The following NDOR1 variants were observed in gnomAD, a reference collection of about 807,000 sequenced individuals.
The protein encoded by NDOR1 is NADPH-dependent diflavin oxidoreductase 1.
NDOR1 carries 61 observed loss-of-function variants against 67.2 expected under a neutral mutation model. The observed-to-expected ratio is 0.91, with a 90% CI of 0.74 to 1.12. NDOR1 has a LOEUF of 1.12. NDOR1 is among the 50% of genes most tolerant of loss of function. The pLI, the probability that NDOR1 is intolerant of heterozygous loss-of-function variation, is 0.00. For missense variants in NDOR1, 878 were observed against 802.8 expected (o/e 1.09, Z -1.13); for synonymous variants, 378 against 343.7 (o/e 1.10, Z -1.10).
In NDOR1 at chr9:137,212,432, C is replaced by T; in HGVS notation, c.214-70C>T. The stretch of plus-strand genomic sequence containing the variant: ...CACCTGCCTGTTCCCCTGAGACCCT[C>T]CCCTCACCCCCTGCTGTGGGGCTAG... On this transcript the variant is annotated intron_variant, in intron 2 of 13. Coordinates refer to ENST00000684003, the MANE Select transcript of NDOR1 (RefSeq NM_014434.4). This position sits in a 1 kb window ranked among gnomAD's most constrained non-coding sequence, Gnocchi z 4.3. 1.4e-6 allele frequency: 2 copies of T among 1,386,748 alleles called. No individual in the cohort carries two copies. Among genetic ancestry groups the T allele is most frequent in the Non-Finnish European group, 2.1e-6 (2 of 974,614 alleles). The allele number at this position is 1,386,748 out of a possible 1,614,324, so 85.9% of individuals were successfully genotyped here. A position where few individuals can be genotyped will look rare whatever the true frequency, so the allele number is the denominator to read the frequency against.
At position 137,212,368 on chromosome 9, in the gene NDOR1, G is replaced by T; in HGVS notation, c.214-134G>T. ...AGGCTGGACCTGGGCCCTGCCTTTT[G>T]GTCAGATAGGTCCAGTTGTATTCTG... On this transcript the variant is annotated intron_variant, in intron 2 of 13. Coordinates refer to ENST00000684003, the MANE Select transcript of NDOR1 (RefSeq NM_014434.4). This position sits in a 1 kb window ranked among gnomAD's most constrained non-coding sequence, Gnocchi z 4.3. 1 of 733,868 alleles carries T rather than the reference G, an allele frequency of 1.4e-6. No homozygotes were observed. Among genetic ancestry groups the T allele is most frequent in the Non-Finnish European group, 2.3e-6 (1 of 427,618 alleles). The allele number at this position is 733,868 out of a possible 1,614,324, so 45.5% of individuals were successfully genotyped here.
At chr9:137,207,143 T>A (rs1456978495) in intron 2 of NDOR1, among the ~76,000 whole-genome samples, 2 of 151,992 alleles carry the variant, frequency 1.3e-5, no homozygotes, top group East Asian at 3.9e-4. Flanking sequence ...GTCATGTTCC[T>A]AAGCTAGCAA....
rs779691714 is a variant in NDOR1, at chr9:137,215,077, G to A, written c.1066-18G>A. 4 of 1,613,514 alleles carry A rather than the reference G, an allele frequency of 2.5e-6. No individual in the cohort carries two copies. The highest frequency in any genetic ancestry group is 3.4e-6 in the Non-Finnish European group (4 of 1,179,920). On this transcript the variant is annotated intron_variant, in intron 8 of 13. Transcript: ENST00000684003. ...GCTACAGCCACGCTGCAGCCACCCT[G>A]AGACTCTCTTTGCCTAGGTGCTCTG...
chr9:137,210,559 C>T (rs912604322), intron 2 of NDOR1, among the ~76,000 whole-genome samples: 12 of 152,112 alleles, frequency 7.9e-5, no homozygotes, highest in African/African-American at 2.7e-4. Flanking sequence ...GATTAGAAGA[C>T]GCTGGGCACA....
rs1301930673 is a variant in NDOR1 at position 137,213,994 on chromosome 9, G to T, written c.438G>T (p.Leu146=). ...LGPDAAVDPW[L]RDLWDRVLGL... ...CCGACGCTGCTGTGGACCCCTGGCTGCGAGACTTGTGGGACAGGGTTCTGG... is the reference window on the plus strand; with the variant it reads ...CCGACGCTGCTGTGGACCCCTGGCTTCGAGACTTGTGGGACAGGGTTCTGG... Residue 146 remains leucine (L), a synonymous_variant, in exon 5 of 14, where the codon CTG becomes CTT. Transcript: ENST00000684003. The T allele has an allele frequency of 1.3e-5, 20 of 1,555,412 alleles. No individual in the cohort carries two copies. Among genetic ancestry groups the T allele is most frequent in the Non-Finnish European group, 1.7e-5 (20 of 1,151,332 alleles).
Position 137,218,915 on chromosome 9 carries a change from T to G in NDOR1, c.*2499T>G, listed in dbSNP as rs967667372. On this transcript the variant is annotated 3_prime_UTR_variant, in exon 14 of 14. Coordinates refer to ENST00000684003, the MANE Select transcript of NDOR1 (RefSeq NM_014434.4). Reference sequence around the variant, plus strand: ...TCTGTGAGCAGGACCCCATTCACCCTGCGGCAGACGGGCACCGTACTGGCC... The same window carrying G: ...TCTGTGAGCAGGACCCCATTCACCCGGCGGCAGACGGGCACCGTACTGGCC... 3.7e-5 allele frequency: 12 copies of G among 321,558 alleles called. No individual in the cohort carries two copies. The highest frequency in any genetic ancestry group is 6.2e-5 in the Non-Finnish European group (11 of 176,996). 19.9% of individuals were successfully genotyped at this position (321,558 alleles called of 1,614,324 possible). A position where few individuals can be genotyped will look rare whatever the true frequency, so the allele number is the denominator to read the frequency against.
In NDOR1 at chr9:137,215,194, T is replaced by G. The variant is rs1284018676; in HGVS notation, c.1165T>G (p.Ser389Ala). ...IRPRAFSIAS[S>A]LLTHPSRLQI... ...GCCGAGGGCCTTCTCCATCGCCTCC[T>G]CGCTGCTGGTGAGGGGCCTGGTGGT... The change falls in exon 9 of 14, where the codon TCG becomes GCG. Residue 389 changes from serine (S) to alanine (A), a missense_variant. By Grantham distance (99) the Ser-to-Ala change is moderately conservative. Transcript: ENST00000684003. The G allele has an allele frequency of 6.2e-7, 1 of 1,611,158 alleles. No individual in the cohort carries two copies. Among genetic ancestry groups the G allele is most frequent in the African/African-American group, 1.3e-5 (1 of 74,880 alleles).
chr9:137,214,651 G>T lies in NDOR1; in HGVS notation c.804G>T (p.Leu268=). ...HVQRFCQVLG[L]DPDQLFMLQP... ...AGCGGTTCTGCCAGGTGCTGGGCCT[G>T]GACCCTGACCAGCTCTTCATGCTGC... Residue 268 remains leucine (L), a synonymous_variant, in exon 7 of 14, where the codon CTG becomes CTT. Coordinates refer to ENST00000684003, the MANE Select transcript of NDOR1 (RefSeq NM_014434.4). 1 of 1,607,722 alleles carries T rather than the reference G, an allele frequency of 6.2e-7. No homozygotes were observed.
intron 1 of NDOR1, 28 bp downstream of exon 1, chr9:137,205,940 G>A (rs752863362): frequency 6.4e-7 from 1 of 1,561,504 alleles, no homozygotes; most frequent in East Asian, 2.3e-5. Flanking sequence ...CCTCGGCGTG[G>A]GGGACGAGCA....
chr9:137,215,939 C>G lies in NDOR1; in HGVS notation c.1476C>G (p.Asp492Glu). Residue 492 changes from aspartate to glutamate, a missense_variant, in exon 12 of 14, where the codon GAC becomes GAG. Coordinates refer to ENST00000684003, the MANE Select transcript of NDOR1 (RefSeq NM_014434.4). ...LFFGCRWRDQ[D>E]FYWEAEWQEL... is the part of the protein sequence containing the mutation. ...TTGGCTGCCGCTGGCGGGACCAAGA[C>G]TTCTACTGGGAGGCTGAGTGGCAGG... 6.2e-7 allele frequency: 1 copy of G among 1,613,756 alleles called. No individual in the cohort carries two copies.
chr9:137,218,728 G>A lies in NDOR1; in HGVS notation c.*2312G>A. The stretch of plus-strand genomic sequence containing the variant: ...AACCCAAGGTTGGGTCCAGGGCAGT[G>A]GCCTTCAATCAAGACCTCCCATTGC... On this transcript the variant is annotated 3_prime_UTR_variant, in exon 14 of 14. Coordinates refer to ENST00000684003, the MANE Select transcript of NDOR1 (RefSeq NM_014434.4). The A allele has an allele frequency of 5.0e-6, 2 of 397,522 alleles. No individual in the cohort carries two copies. The highest frequency in any genetic ancestry group is 4.4e-6 in the Non-Finnish European group (1 of 225,762). 24.6% of individuals were successfully genotyped at this position (397,522 alleles called of 1,614,324 possible).
Position 137,212,421 on chromosome 9 carries a change from CCT to C in NDOR1, c.214-80_214-79del, listed in dbSNP as rs967494219. On this transcript the variant is annotated intron_variant, in intron 2 of 13. Coordinates refer to ENST00000684003, the MANE Select transcript of NDOR1 (RefSeq NM_014434.4). This position sits in a 1 kb window ranked among gnomAD's most constrained non-coding sequence, Gnocchi z 4.3. Reference sequence around the variant, plus strand: ...CCCATCCTACCCACCTGCCTGTTCCCCTGAGACCCTCCCCTCACCCCCTGCTG... The same window carrying C: ...CCCATCCTACCCACCTGCCTGTTCCCGAGACCCTCCCCTCACCCCCTGCTG... 4 of 1,286,218 alleles carry C rather than the reference CCT, an allele frequency of 3.1e-6. No homozygotes were observed. The highest frequency in any genetic ancestry group is 1.5e-5 in the African/African-American group (1 of 68,224). 79.7% of individuals were successfully genotyped at this position (1,286,218 alleles called of 1,614,324 possible).
Position 137,213,793 on chromosome 9 carries a change from G to T in NDOR1, c.325G>T (p.Ala109Ser). 6.2e-7 allele frequency: 1 copy of T among 1,612,524 alleles called. No homozygotes were observed. Among genetic ancestry groups the T allele is most frequent in the Non-Finnish European group, 8.5e-7 (1 of 1,179,574 alleles). ...DSSYAKFNFV[A>S]KKLHRRLLQL... ...CTGTCTCCACAGGTTCAACTTCGTG[G>T]CCAAGAAGCTGCACCGACGGCTACT... is the stretch of plus-strand genomic sequence containing the variant. Residue 109 changes from alanine (A) to serine (S), a missense_variant, in exon 4 of 14, where the codon GCC becomes TCC. Ala to Ser is a moderately conservative substitution (Grantham distance 99). Coordinates refer to ENST00000684003, the MANE Select transcript of NDOR1 (RefSeq NM_014434.4).
rs1823228807 is a variant in NDOR1, at chr9:137,218,810, C to G, written c.*2394C>G. The G allele has an allele frequency of 2.5e-6, 1 of 395,932 alleles. No homozygotes were observed. Among genetic ancestry groups the G allele is most frequent in the South Asian group, 1.4e-4 (1 of 7,028 alleles). The allele number at this position is 395,932 out of a possible 1,614,324, so 24.5% of individuals were successfully genotyped here. A position where few individuals can be genotyped will look rare whatever the true frequency, so the allele number is the denominator to read the frequency against. Reference sequence around the variant, plus strand: ...GACCCTGCCAGAGTCCATGGCTGCACTGCTGCCCAGACACTAGCTGAACCC... The same window carrying G: ...GACCCTGCCAGAGTCCATGGCTGCAGTGCTGCCCAGACACTAGCTGAACCC... On this transcript the variant is annotated 3_prime_UTR_variant, in exon 14 of 14. Transcript: ENST00000684003.
chr9:137,218,164 C>T lies in NDOR1; in HGVS notation c.*1748C>T, dbSNP rs1354635910. 5.0e-6 allele frequency: 2 copies of T among 398,586 alleles called. No individual in the cohort carries two copies. Among genetic ancestry groups the T allele is most frequent in the Non-Finnish European group, 8.8e-6 (2 of 226,112 alleles). The allele number at this position is 398,586 out of a possible 1,614,324, so 24.7% of individuals were successfully genotyped here. On this transcript the variant is annotated 3_prime_UTR_variant, in exon 14 of 14. Transcript: ENST00000684003. ...ACGGCCTGTGTGTGGGCTGCCTGCA[C>T]AGGCTGCTGGGCTCGGCCTCCAGTG...
intron 2 of NDOR1, among the ~76,000 whole-genome samples, chr9:137,210,296 T>G (rs111339554): frequency 1.6e-3 from 239 of 152,236 alleles, no homozygotes; most frequent in African/African-American, 4.7e-3. Context: ...CATCAACGGC[T>G]CACTGCCCCC....
In NDOR1 at chr9:137,212,439, C is replaced by T. The variant is rs759624266; in HGVS notation, c.214-63C>T. On this transcript the variant is annotated intron_variant, in intron 2 of 13. Transcript: ENST00000684003. The surrounding 1 kb of genome is among the most constrained non-coding windows in gnomAD (Gnocchi z 4.3). ...CTGTTCCCCTGAGACCCTCCCCTCA[C>T]CCCCTGCTGTGGGGCTAGCCTAGAG... The T allele has an allele frequency of 6.9e-7, 1 of 1,442,400 alleles. No individual in the cohort carries two copies. Among genetic ancestry groups the T allele is most frequent in the Admixed American group, 1.7e-5 (1 of 59,576 alleles). The allele number at this position is 1,442,400 out of a possible 1,614,324, so 89.4% of individuals were successfully genotyped here.
chr9:137,206,140 C>T, intron 1 of NDOR1, 92 bp from the exon 2 acceptor site: 1 of 1,527,204 alleles, frequency 6.5e-7, no homozygotes, highest in Non-Finnish European at 9.1e-7. Context: ...TCTGCCCTGT[C>T]AGCCTGAGTA....
Position 137,214,694 on chromosome 9 carries a change from G to A in NDOR1, c.844+3G>A. 1 of 1,602,264 alleles carries A rather than the reference G, an allele frequency of 6.2e-7. No individual in the cohort carries two copies. Among genetic ancestry groups the A allele is most frequent in the Non-Finnish European group, 8.5e-7 (1 of 1,179,758 alleles). On this transcript the variant is annotated splice_donor_region_variant and intron_variant, in intron 7 of 13. Transcript: ENST00000684003. ...CATGCTGCAGCCGCGGGAGCCAGGTGAGCCCAGCCTCGGCCACCCTGACTC... is the reference window on the plus strand; with the variant it reads ...CATGCTGCAGCCGCGGGAGCCAGGTAAGCCCAGCCTCGGCCACCCTGACTC...
Sources: allele counts gnomAD v4.1 joint callset (sites outside exome capture counted in the v4.1 genomes callset), GRCh38; gene constraint gnomAD v4.1.1; non-coding constraint Gnocchi (gnomAD v3.1); transcripts MANE v1.5; gene names NCBI Gene and HGNC (gene_info 2026-07-23, HGNC 2026-07-21).